The following ADCY5 variants were observed in gnomAD, a reference collection of about 807,000 sequenced individuals.
The protein encoded by ADCY5 is adenylate cyclase 5.
Under a neutral mutation model 119.7 loss-of-function variants are expected in ADCY5, and 30 were observed. The ratio of observed to expected loss-of-function variants is 0.25; its 90% CI spans 0.19 to 0.34. The LOEUF is 0.34. ADCY5 is among the 10% of genes least tolerant of loss of function. The pLI, the probability that ADCY5 is intolerant of heterozygous loss-of-function variation, is 1.00. For missense variants in ADCY5, 1,324 were observed against 1,775.2 expected, an observed-to-expected ratio of 0.75 and a Z score of 4.57; for synonymous variants, 753 against 762.2, an observed-to-expected ratio of 0.99 and a Z score of 0.20.
In ADCY5 at chr3:123,352,701, G is replaced by A. The variant is rs963669793; in HGVS notation, c.1135-120C>T. The A allele has an allele frequency of 8.1e-6, 10 of 1,235,442 alleles. No individual in the cohort carries two copies. Among genetic ancestry groups the A allele is most frequent in the Non-Finnish European group, 1.1e-5 (10 of 906,860 alleles). 76.5% of individuals were successfully genotyped at this position (1,235,442 alleles called of 1,614,324 possible). A position where few individuals can be genotyped will look rare whatever the true frequency, so the allele number is the denominator to read the frequency against. ...CTGGCGCTAGCAAACAAATGCTGAG[G>A]GCACCCCACACGCGGCCAACCACTG... On this transcript the variant is annotated intron_variant, in intron 1 of 20. Transcript: ENST00000462833. This position sits in a 1 kb window ranked among gnomAD's most constrained non-coding sequence, Gnocchi z 4.8.
At chr3:123,366,882 T>A (rs1281399697) in intron 1 of ADCY5, among the ~76,000 whole-genome samples, 1 of 152,214 alleles carries the variant, frequency 6.6e-6, no homozygotes, top group Non-Finnish European at 1.5e-5. Flanking sequence ...CTTTGCCACC[T>A]GGGACAGTCC....
At chr3:123,342,120 T>C (rs1942315870) in intron 3 of ADCY5, among the ~76,000 whole-genome samples, 1 of 152,112 alleles carries the variant, frequency 6.6e-6, no homozygotes, top group African/African-American at 2.4e-5. Context: ...TCATGTCAGG[T>C]TTGAGACGGG....
rs950657830 is a variant in ADCY5, at chr3:123,297,465, G to A, written c.2901-83C>T. On this transcript the variant is annotated intron_variant, in intron 15 of 20. Transcript: ENST00000462833. ...CACTCCTGCTCAGCCCCCACGCCCT[G>A]CTCTGCTGTCCCCACCACTGCTGCT... 5.5e-6 allele frequency: 8 copies of A among 1,447,778 alleles called. No homozygotes were observed. In the Admixed American group the frequency reaches 8.4e-5, roughly 15 times the overall value. 89.7% of individuals were successfully genotyped at this position (1,447,778 alleles called of 1,614,324 possible).
chr3:123,352,750 G>C lies in ADCY5; in HGVS notation c.1135-169C>G, dbSNP rs546523695. The stretch of plus-strand genomic sequence containing the variant: ...TGTGAGCAGCCGAGCATAATCGATC[G>C]GGCTCTCTGATGTCCTCAAAGCCAG... On this transcript the variant is annotated intron_variant, in intron 1 of 20. Transcript: ENST00000462833. The surrounding 1 kb of genome is among the most constrained non-coding windows in gnomAD (Gnocchi z 4.8). Among the ~76,000 whole-genome samples, 6 of 152,114 alleles carry C rather than the reference G, an allele frequency of 3.9e-5. No individual in the cohort carries two copies. Among genetic ancestry groups the C allele is most frequent in the Non-Finnish European group, 2.9e-5 (2 of 68,014 alleles).
intron 15 of ADCY5, among the ~76,000 whole-genome samples, chr3:123,299,756 T>A (rs751499876): frequency 5.4e-4 from 82 of 152,342 alleles, no homozygotes; most frequent in Non-Finnish European, 9.7e-4. Flanking sequence ...ACAGACCCTG[T>A]GAACAACAAA....
intron 12 of ADCY5, among the ~76,000 whole-genome samples, chr3:123,314,015 A>C (rs1234879311): frequency 6.6e-6 from 1 of 152,202 alleles, no homozygotes; most frequent in Non-Finnish European, 1.5e-5. Flanking sequence ...GGGCAAGTTA[A>C]AACAGCCAGT....
chr3:123,359,222 A>G (rs993204628), intron 1 of ADCY5, among the ~76,000 whole-genome samples: 32 of 151,488 alleles, frequency 2.1e-4, no homozygotes, highest in Non-Finnish European at 3.5e-4. Flanking sequence ...AGAGTTAGTG[A>G]TGGGGGAGGG....
intron 1 of ADCY5, among the ~76,000 whole-genome samples, chr3:123,358,155 C>CGTGTGTGTGTGTGTGTGTGTGTGTGTGT (rs6148049): frequency 2.1e-5 from 3 of 140,860 alleles, no homozygotes; most frequent in Non-Finnish European, 4.5e-5. Context: ...ACATGGAACA[C>CGTGTGTGTGTGTGTGTGTGTGTGTGTGT]GTGTGTGTGT....
chr3:123,401,199 C>G (rs1576668808), intron 1 of ADCY5, among the ~76,000 whole-genome samples: 1 of 152,064 alleles, frequency 6.6e-6, no homozygotes, highest in East Asian at 1.9e-4. Flanking sequence ...ACTTACATAG[C>G]AAAGATCCTG....
At chr3:123,419,806 C>T (rs571497301) in intron 1 of ADCY5, among the ~76,000 whole-genome samples, 2 of 152,240 alleles carry the variant, frequency 1.3e-5, no homozygotes, top group African/African-American at 4.8e-5. Context: ...ATCCAGCTCT[C>T]CCCAGCTGCT....
chr3:123,385,506 A>G (rs1222533622), intron 1 of ADCY5, among the ~76,000 whole-genome samples: 1 of 152,214 alleles, frequency 6.6e-6, no homozygotes, highest in African/African-American at 2.4e-5. Flanking sequence ...TGACTCCTCT[A>G]CATTCTGGAG....
chr3:123,429,756 GC>G (rs1250140981), intron 1 of ADCY5, among the ~76,000 whole-genome samples: 1 of 152,190 alleles, frequency 6.6e-6, no homozygotes, highest in East Asian at 1.9e-4. Context: ...CATCAGGGTG[GC>G]ATATCCCACC....
intron 1 of ADCY5, chr3:123,416,091 G>A: frequency 2.1e-6 from 3 of 1,401,172 alleles, no homozygotes; most frequent in Non-Finnish European, 2.9e-6. Flanking sequence ...GGCCCCAGGT[G>A]AGGTGTCCAA....
chr3:123,347,575 C>T (rs981131399), intron 3 of ADCY5, among the ~76,000 whole-genome samples: 2 of 152,104 alleles, frequency 1.3e-5, no homozygotes, highest in Non-Finnish European at 2.9e-5. Context: ...CCTCCCTCTC[C>T]CCACCCCCAA....
chr3:123,326,478 C>T (rs1346039254), intron 7 of ADCY5, among the ~76,000 whole-genome samples: 6 of 152,144 alleles, frequency 3.9e-5, no homozygotes, highest in African/African-American at 9.7e-5. Flanking sequence ...CTTTTTGGAC[C>T]GCTTGTCCAG....
intron 18 of ADCY5, 72 bp from the exon 19 acceptor site, chr3:123,290,026 T>C (rs1268456093): frequency 4.0e-5 from 60 of 1,502,350 alleles, no homozygotes; most frequent in Non-Finnish European, 5.4e-5. Flanking sequence ...GGACAGAGGA[T>C]GTCCAGGGAA....
chr3:123,319,536 T>C (rs763419961), intron 10 of ADCY5, 138 bp downstream of exon 10: 39 of 1,049,486 alleles, frequency 3.7e-5, no homozygotes, highest in Non-Finnish European at 5.3e-5. Context: ...CTCTAGGTAG[T>C]GCAGCATCAG....
intron 1 of ADCY5, among the ~76,000 whole-genome samples, chr3:123,390,663 C>T (rs540902218): frequency 3.3e-5 from 5 of 152,346 alleles, no homozygotes; most frequent in East Asian, 1.9e-4. Context: ...TCCCCTGGGG[C>T]GTGGCAGATG....
chr3:123,285,622 C>G (rs1938695027), intron 20 of ADCY5, among the ~76,000 whole-genome samples: 1 of 152,230 alleles, frequency 6.6e-6, no homozygotes, highest in South Asian at 2.1e-4. Flanking sequence ...CACTGTGTTA[C>G]TAGCTGCAGT....
Sources: gnomAD v4.1 joint callset for allele counts (sites outside exome capture counted in the v4.1 genomes callset) on GRCh38, gnomAD v4.1.1 for gene constraint, Gnocchi (gnomAD v3.1) non-coding constraint, MANE v1.5 for transcripts, NCBI Gene and HGNC (gene_info 2026-07-23, HGNC 2026-07-21) for gene names.